The following ARMC2 variants were observed in gnomAD, a reference collection of about 807,000 sequenced individuals.
The protein encoded by ARMC2 is armadillo repeat containing 2.
In ARMC2, 67 loss-of-function variants were observed where a neutral mutation model predicts 90.3. That is an observed-to-expected ratio of 0.74 (90% CI 0.61 to 0.91). The LOEUF is 0.91. Among genes scored for constraint, ARMC2 ranks in the 40% least tolerant of loss-of-function variants. The pLI is 0.00. For synonymous variants in ARMC2, 393 were observed against 393.0 expected, an observed-to-expected ratio of 1.00 and a Z score of 0.00; for missense variants, 920 against 1,030.9, an observed-to-expected ratio of 0.89 and a Z score of 1.47.
At chr6:109,009,393 C>T in the ARMC2 span, 2 of 1,462,204 alleles carry the variant, frequency 1.4e-6, no homozygotes, top group Non-Finnish European at 9.0e-7. Context: ...GCACTGCTTG[C>T]AGCCCAGCAG....
intron 10 of ARMC2, among the ~76,000 whole-genome samples, chr6:108,918,668 C>G (rs1249133565): frequency 1.3e-5 from 2 of 152,080 alleles, no homozygotes; most frequent in East Asian, 1.9e-4. Flanking sequence ...CACTGGAGCC[C>G]CCAGCATAAG....
chr6:108,858,286 TA>T lies in ARMC2; in HGVS notation c.291+17del. 1 of 1,572,308 alleles carries T rather than the reference TA, an allele frequency of 6.4e-7. No homozygotes were observed. Among genetic ancestry groups the T allele is most frequent in the Non-Finnish European group, 8.7e-7 (1 of 1,146,846 alleles). On this transcript the variant is annotated intron_variant, in intron 3 of 17. Transcript: ENST00000392644. ...CACTAGAGCTGGTGAGTACTTTGTA[TA>T]ACCACCAGTAATTTATATTATGTTG...
At chr6:108,935,380 T>C (rs564877362) in intron 11 of ARMC2, among the ~76,000 whole-genome samples, 1 of 152,306 alleles carries the variant, frequency 6.6e-6, no homozygotes, top group East Asian at 1.9e-4. Context: ...CTTTTCAGCC[T>C]CCTTAAACCT....
Sources: gnomAD v4.1 joint callset for allele counts (sites outside exome capture counted in the v4.1 genomes callset) on GRCh38, gnomAD v4.1.1 for gene constraint, MANE v1.5 for transcripts, NCBI Gene and HGNC (gene_info 2026-07-23, HGNC 2026-07-21) for gene names.